The following ZNF550 variants were observed in gnomAD, a reference collection of about 807,000 sequenced individuals.
The protein encoded by ZNF550 is zinc finger protein 550.
ZNF550 carries 42 observed loss-of-function variants against 40.2 expected under a neutral mutation model. The observed-to-expected ratio is 1.05, with a 90% CI of 0.82 to 1.35. ZNF550 has a LOEUF of 1.35. Ranked by LOEUF, ZNF550 falls within the 40% of genes most tolerant of loss-of-function variation. The pLI is 0.00. For synonymous variants in ZNF550, 223 were observed against 198.6 expected (o/e 1.12, Z -1.03); for missense variants, 549 against 525.2 (o/e 1.05, Z -0.44).
upstream of ZNF550, chr19:57,559,883 C>T (rs1568603278): frequency 2.3e-6 from 1 of 443,806 alleles, no homozygotes; most frequent in Non-Finnish European, 3.9e-6. Flanking sequence ...TCGCGGTCGC[C>T]TGCCACGCCT....
chr19:57,547,230 A>G, exon 4 of ZNF550: 1 of 1,614,100 alleles, frequency 6.2e-7, no homozygotes, highest in Non-Finnish European at 8.5e-7. Flanking sequence ...GCTTCTCTCC[A>G]GTGTGGATGA....
chr19:57,542,689 A>C (rs1336323146), exon 5 of ZNF550: 5 of 152,218 alleles, frequency 3.3e-5, no homozygotes. Flanking sequence ...AAACCAAAAC[A>C]ACCCAGACAC....
At chr19:57,546,128 C>G (rs1209565279) in intron 4 of ZNF550, among the ~76,000 whole-genome samples, 7 of 152,104 alleles carry the variant, frequency 4.6e-5, no homozygotes, top group Admixed American at 1.3e-4. Context: ...TCTTCTCACC[C>G]TAGATATAAA....
At chr19:57,560,247 C>G (rs138572320), upstream of ZNF550, among the ~76,000 whole-genome samples, 1,294 of 152,270 alleles carry the variant, frequency 8.5e-3, 22 homozygotes, top group African/African-American at 0.029. Context: ...CACCCTGACG[C>G]CAGGCACTGT....
chr19:57,543,955 AC>A (rs1206060178), intron 4 of ZNF550: 1 of 985,006 alleles, frequency 1.0e-6, no homozygotes, highest in Non-Finnish European at 1.2e-6. Context: ...AAAACAAAAA[AC>A]ATGTTTTACC....
chr19:57,559,400 C>T (rs558664721), intron 1 of ZNF550, among the ~76,000 whole-genome samples: 1 of 152,218 alleles, frequency 6.6e-6, no homozygotes, highest in Non-Finnish European at 1.5e-5. Flanking sequence ...GCGGTCGCTC[C>T]TCTCACCTGT....
At chr19:57,548,999 G>A (rs1158401981) in intron 3 of ZNF550, among the ~76,000 whole-genome samples, 1 of 152,150 alleles carries the variant, frequency 6.6e-6, no homozygotes, top group Admixed American at 6.5e-5. Flanking sequence ...TGGAAACTGG[G>A]AACGGCAGTA....
intron 3 of ZNF550, among the ~76,000 whole-genome samples, chr19:57,550,072 G>A (rs1290344847): frequency 1.3e-5 from 2 of 152,150 alleles, no homozygotes; most frequent in Admixed American, 6.6e-5. Context: ...TCATTGCTGC[G>A]CTGGGCAATT....
chr19:57,560,738 A>G (rs1046182549), upstream of ZNF550, among the ~76,000 whole-genome samples: 1 of 152,122 alleles, frequency 6.6e-6, no homozygotes, highest in Non-Finnish European at 1.5e-5. Context: ...TTGGCCTGGC[A>G]CTGGTGGGTG....
exon 5 of ZNF550, chr19:57,542,002 A>G (rs188889863): frequency 2.6e-5 from 4 of 152,218 alleles, no homozygotes; most frequent in African/African-American, 9.6e-5. Flanking sequence ...ATCACCAATA[A>G]AGTACCCCAC....
chr19:57,549,686 G>A (rs2090055569), intron 3 of ZNF550, among the ~76,000 whole-genome samples: 1 of 152,148 alleles, frequency 6.6e-6, no homozygotes, highest in Non-Finnish European at 1.5e-5. Context: ...CAGATGCCTG[G>A]TGAAACCAAT....
At chr19:57,550,296 T>C (rs1219740496) in intron 3 of ZNF550, among the ~76,000 whole-genome samples, 1 of 152,248 alleles carries the variant, frequency 6.6e-6, no homozygotes, top group South Asian at 2.1e-4. Flanking sequence ...ATCTGTCTCT[T>C]GACTCCACCA....
chr19:57,559,742 C>A, exon 1 of ZNF550: 1 of 1,408,220 alleles, frequency 7.1e-7, no homozygotes, highest in East Asian at 2.8e-5. Flanking sequence ...AACCCTACCC[C>A]GGGTCCTACA....
chr19:57,547,645 G>T, exon 4 of ZNF550: 1 of 1,614,154 alleles, frequency 6.2e-7, no homozygotes, highest in Non-Finnish European at 8.5e-7. Flanking sequence ...GTAGGGGTTT[G>T]TCCCTGCATG....
At chr19:57,558,198 T>C (rs1186090493) in intron 1 of ZNF550, among the ~76,000 whole-genome samples, 1 of 152,088 alleles carries the variant, frequency 6.6e-6, no homozygotes, top group Non-Finnish European at 1.5e-5. Flanking sequence ...AGGATGGGTG[T>C]GGAACTGCAG....
At chr19:57,552,653 C>G in exon 3 of ZNF550, 3 of 1,598,098 alleles carry the variant, frequency 1.9e-6, no homozygotes, top group Non-Finnish European at 8.5e-7. Context: ...TGAGAGGCCT[C>G]TCTTCACTAT....
At chr19:57,542,650 T>A (rs1005668983) in exon 5 of ZNF550, 2 of 152,062 alleles carry the variant, frequency 1.3e-5, no homozygotes, top group Non-Finnish European at 2.9e-5. Context: ...TTAAAAATAA[T>A]TTAATACCAC....
exon 4 of ZNF550, chr19:57,547,537 C>G (rs774199291): frequency 3.7e-6 from 6 of 1,614,222 alleles, no homozygotes; most frequent in Non-Finnish European, 5.1e-6. Context: ...GGCTTTCCCA[C>G]ATGCATTGCA....
At chr19:57,547,502 G>T (rs188961109) in exon 4 of ZNF550, 4 of 1,614,052 alleles carry the variant, frequency 2.5e-6, no homozygotes, top group Non-Finnish European at 3.4e-6. Flanking sequence ...AGGTAGTGCC[G>T]AATGAGAGTT....
Sources: gnomAD v4.1 joint callset for allele counts (sites outside exome capture counted in the v4.1 genomes callset) on GRCh38, gnomAD v4.1.1 for gene constraint, MANE v1.5 for transcripts, NCBI Gene and HGNC (gene_info 2026-07-23, HGNC 2026-07-21) for gene names.